The following EIF2B5 variants were observed in gnomAD, a reference collection of about 807,000 sequenced individuals.
EIF2B5 encodes eukaryotic translation initiation factor 2B subunit epsilon, also known as translation initiation factor eIF2B subunit epsilon.
A neutral mutation model predicts 87.3 loss-of-function variants in EIF2B5; 38 were observed. That is an observed-to-expected ratio of 0.44 (90% CI 0.34 to 0.57). EIF2B5 has a LOEUF of 0.57. EIF2B5 is among the 20% of genes least tolerant of loss of function. The pLI, the probability that EIF2B5 is intolerant of heterozygous loss-of-function variation, is 0.02. For synonymous variants in EIF2B5, 313 were observed against 339.6 expected, an observed-to-expected ratio of 0.92 and a Z score of 0.86; for missense variants, 784 against 909.5, an observed-to-expected ratio of 0.86 and a Z score of 1.78.
At position 184,142,061 on chromosome 3, in the gene EIF2B5, C is replaced by G; in HGVS notation, c.1293C>G (p.Leu431=). 6.2e-7 allele frequency: 1 copy of G among 1,614,190 alleles called. No homozygotes were observed. The highest frequency in any genetic ancestry group is 1.1e-5 in the South Asian group (1 of 91,070). The change falls in exon 8 of 16, where the codon CTC becomes CTG. Residue 431 remains leucine (L), a synonymous_variant. Coordinates refer to ENST00000648915, the MANE Select transcript of EIF2B5 (RefSeq NM_003907.3). The surrounding 1 kb of genome is among the most constrained non-coding windows in gnomAD (Gnocchi z 5.0). ...TGACACTGAAACCACGCTCTGTCCTCACTTCCCAGGTGAGACCTGATCTAT... is the reference window on the plus strand; with the variant it reads ...TGACACTGAAACCACGCTCTGTCCTGACTTCCCAGGTGAGACCTGATCTAT... ...ERVTLKPRSV[L]TSQVVVGPNI...
chr3:184,138,132 A>C lies in EIF2B5; in HGVS notation c.685-34A>C, dbSNP rs1436579726. 2.5e-6 allele frequency: 4 copies of C among 1,614,004 alleles called. No individual in the cohort carries two copies. The East Asian group carries it at 8.9e-5, about 36-fold the overall frequency. On this transcript the variant is annotated intron_variant, in intron 4 of 15. Coordinates refer to ENST00000648915, the MANE Select transcript of EIF2B5 (RefSeq NM_003907.3). ...GGAAGTGACAGGCTTCAGTGGGAGA[A>C]ACAAATTAAAGTCCTTGTAACTTCT... is the stretch of plus-strand genomic sequence containing the variant.
chr3:184,141,700 C>T (rs977255463), intron 7 of EIF2B5, among the ~76,000 whole-genome samples: 5 of 152,052 alleles, frequency 3.3e-5, no homozygotes, highest in South Asian at 4.1e-4. Context: ...TGAAGGTTCT[C>T]GGGTTCTTAA....
At position 184,142,724 on chromosome 3, in the gene EIF2B5, T is replaced by C. The variant is rs1159934403; in HGVS notation, c.1547-55T>C. On this transcript the variant is annotated intron_variant, in intron 10 of 15. Coordinates refer to ENST00000648915, the MANE Select transcript of EIF2B5 (RefSeq NM_003907.3). This position sits in a 1 kb window ranked among gnomAD's most constrained non-coding sequence, Gnocchi z 5.0. ...ATTCAGGCAGACAGGGCAGGTATAT[T>C]GCTCTCTGTCAATGACTCTTTTTTT... 1 of 1,570,016 alleles carries C rather than the reference T, an allele frequency of 6.4e-7. No individual in the cohort carries two copies. Among genetic ancestry groups the C allele is most frequent in the African/African-American group, 1.4e-5 (1 of 74,046 alleles).
chr3:184,143,794 G>A (rs979544817), intron 13 of EIF2B5: 9 of 694,642 alleles, frequency 1.3e-5, no homozygotes, highest in South Asian at 1.1e-4. Context: ...GCCCACAAAG[G>A]TATATTCAGA....
chr3:184,144,096 T>C lies in EIF2B5; in HGVS notation c.1870-3T>C. 2 of 1,614,222 alleles carry C rather than the reference T, an allele frequency of 1.2e-6. No homozygotes were observed. Among genetic ancestry groups the C allele is most frequent in the East Asian group, 2.2e-5 (1 of 44,888 alleles). On this transcript the variant is annotated splice_region_variant and splice_polypyrimidine_tract_variant and intron_variant, in intron 13 of 15. Coordinates refer to ENST00000648915, the MANE Select transcript of EIF2B5 (RefSeq NM_003907.3). The stretch of plus-strand genomic sequence containing the variant: ...TACTGCAGCTCCCTTCTTTCTTCCA[T>C]AGCTGCTAAAGGCCTGGAGCCCTGT...
chr3:184,140,787 C>G (rs1198230116), intron 7 of EIF2B5, 57 bp downstream of exon 7: 1 of 1,589,988 alleles, frequency 6.3e-7, no homozygotes, highest in Non-Finnish European at 8.6e-7. Context: ...CTGGGGGGGC[C>G]ACGTCTCCAG....
chr3:184,136,749 A>C lies in EIF2B5; in HGVS notation c.320+13A>C, dbSNP rs1245237821. 6.2e-7 allele frequency: 1 copy of C among 1,614,188 alleles called. No individual in the cohort carries two copies. Among genetic ancestry groups the C allele is most frequent in the Admixed American group, 1.7e-5 (1 of 60,020 alleles). On this transcript the variant is annotated intron_variant, in intron 2 of 15. Coordinates refer to ENST00000648915, the MANE Select transcript of EIF2B5 (RefSeq NM_003907.3). ...AAGAACATTTACTGTAAGGCCCTGC[A>C]ACTTTTCTTTCCATGTTTCGCCATC... is the stretch of plus-strand genomic sequence containing the variant.
At chr3:184,135,747 A>ACTAACTTGGTCAGC in intron 1 of EIF2B5, 167 bp downstream of exon 1, 3 of 936,392 alleles carry the variant, frequency 3.2e-6, no homozygotes, top group Non-Finnish European at 4.8e-6. Context: ...ACTGCTGACC[A>ACTAACTTGGTCAGC]AGTTAGTGGC....
intron 5 of EIF2B5, among the ~76,000 whole-genome samples, chr3:184,139,411 G>A (rs1027509297): frequency 1.4e-5 from 2 of 147,376 alleles, no homozygotes; most frequent in Non-Finnish European, 3.0e-5. Context: ...CTCCCAAATA[G>A]CTGGGATTGC....
Position 184,135,516 on chromosome 3 carries a change from A to C in EIF2B5, c.131A>C (p.Gln44Pro). ...GAEEEPPPPL[Q>P]AVLVADSFDR... ...GAGGAGGAACCGCCGCCGCCCCTAC[A>C]AGCAGTTCTGGTGGCCGATAGCTTC... The change falls in exon 1 of 16, where the codon CAA becomes CCA. Residue 44 changes from glutamine (Q) to proline (P), a missense_variant. Transcript: ENST00000648915. 1 of 1,588,748 alleles carries C rather than the reference A, an allele frequency of 6.3e-7. No individual in the cohort carries two copies. Among genetic ancestry groups the C allele is most frequent in the Non-Finnish European group, 8.6e-7 (1 of 1,168,438 alleles).
In EIF2B5 at chr3:184,143,574, A is replaced by C; in HGVS notation, c.1869+9A>C. ...GTGCCCTGCTGCTTCCTGTGAGCAAAGATTGGAGCTGAGTACAAGGGATTG... is the reference window on the plus strand; with the variant it reads ...GTGCCCTGCTGCTTCCTGTGAGCAACGATTGGAGCTGAGTACAAGGGATTG... On this transcript the variant is annotated intron_variant, in intron 13 of 15. Transcript: ENST00000648915. 6.2e-7 allele frequency: 1 copy of C among 1,614,140 alleles called. No individual in the cohort carries two copies. Among genetic ancestry groups the C allele is most frequent in the Non-Finnish European group, 8.5e-7 (1 of 1,180,026 alleles).
At chr3:184,136,180 A>G (rs1577028378) in intron 1 of EIF2B5, among the ~76,000 whole-genome samples, 1 of 152,258 alleles carries the variant, frequency 6.6e-6, no homozygotes. Flanking sequence ...AATCCTCTCT[A>G]ATTCCCTCGA....
chr3:184,144,353 G>A (rs1713770089), intron 14 of EIF2B5, 129 bp downstream of exon 14: 1 of 1,465,258 alleles, frequency 6.8e-7, no homozygotes, highest in Non-Finnish European at 9.5e-7. Context: ...TATGCTTATT[G>A]CTAGAATAGT....
chr3:184,144,754 AG>A, intron 15 of EIF2B5, 47 bp downstream of exon 15: 1 of 1,594,362 alleles, frequency 6.3e-7, no homozygotes, highest in South Asian at 1.1e-5. Flanking sequence ...TCTCATTCCC[AG>A]GTCCTGGCCC....
chr3:184,141,671 A>G (rs947216449), intron 7 of EIF2B5, among the ~76,000 whole-genome samples: 4 of 152,240 alleles, frequency 2.6e-5, no homozygotes, highest in Middle Eastern at 3.4e-3. Flanking sequence ...TTTTGAGTTC[A>G]GAGGGTCCCC....
rs1713453539 is a variant in EIF2B5, at chr3:184,138,203, G to T, written c.722G>T (p.Arg241Leu). The T allele has an allele frequency of 1.2e-6, 2 of 1,613,934 alleles. No individual in the cohort carries two copies. The highest frequency in any genetic ancestry group is 2.7e-5 in the African/African-American group (2 of 74,906). The change falls in exon 5 of 16, where the codon CGA becomes CTA. Residue 241 changes from arginine to leucine, a missense_variant. Physicochemically the swap from Arg to Leu is moderately radical, Grantham distance 102. Transcript: ENST00000648915. ...GGCAGTAGTGATGGAGTGGAGGTTCGATATGATTTACTGGATTGTCATATC... is the reference window on the plus strand; with the variant it reads ...GGCAGTAGTGATGGAGTGGAGGTTCTATATGATTTACTGGATTGTCATATC... The part of the protein sequence containing the change: ...FQGSSDGVEV[R>L]YDLLDCHISI...
Position 184,140,514 on chromosome 3 carries a change from A to G in EIF2B5, c.940A>G (p.Ile314Val), listed in dbSNP as rs1234382662. The change falls in exon 7 of 16, where the codon ATC becomes GTC. Residue 314 changes from isoleucine (I) to valine (V), a missense_variant. Around this residue, in one of 3 missense-constraint regions of EIF2B5, gnomAD observed 660 missense variants for 789.5 expected, o/e 0.84. Coordinates refer to ENST00000648915, the MANE Select transcript of EIF2B5 (RefSeq NM_003907.3). ...HMYSAVCADV[I>V]RRWVYPLTPE... The stretch of plus-strand genomic sequence containing the variant: ...GTACTCAGCTGTCTGTGCTGACGTC[A>G]TCCGCCGATGGGTCTACCCTCTCAC... The G allele has an allele frequency of 6.2e-7, 1 of 1,614,080 alleles. No individual in the cohort carries two copies. The highest frequency in any genetic ancestry group is 8.5e-7 in the Non-Finnish European group (1 of 1,180,022).
Position 184,138,147 on chromosome 3 carries a change from T to C in EIF2B5, c.685-19T>C, listed in dbSNP as rs1713451193. On this transcript the variant is annotated intron_variant, in intron 4 of 15. Transcript: ENST00000648915. Reference sequence around the variant, plus strand: ...CAGTGGGAGAAACAAATTAAAGTCCTTGTAACTTCTCCCCACAGAGCCTGT... The same window carrying C: ...CAGTGGGAGAAACAAATTAAAGTCCCTGTAACTTCTCCCCACAGAGCCTGT... 1 of 1,614,032 alleles carries C rather than the reference T, an allele frequency of 6.2e-7. No individual in the cohort carries two copies. Among genetic ancestry groups the C allele is most frequent in the Non-Finnish European group, 8.5e-7 (1 of 1,180,010 alleles).
intron 14 of EIF2B5, 103 bp from the exon 15 acceptor site, chr3:184,144,494 T>C: frequency 8.8e-7 from 1 of 1,140,908 alleles, no homozygotes; most frequent in Non-Finnish European, 1.3e-6. Context: ...TCTTGTCCGT[T>C]TTGGAGGAGG....
Sources: allele counts gnomAD v4.1 joint callset (sites outside exome capture counted in the v4.1 genomes callset), GRCh38; gene constraint gnomAD v4.1.1; regional missense constraint gnomAD v4.1.1; non-coding constraint Gnocchi (gnomAD v3.1); transcripts MANE v1.5; gene names NCBI Gene and HGNC (gene_info 2026-07-23, HGNC 2026-07-21).